PSMC5: variants seen among roughly 807,000 people sequenced by gnomAD.
The protein encoded by PSMC5 is 26S proteasome regulatory subunit 8.
PSMC5 carries 11 observed loss-of-function variants against 49.1 expected under a neutral mutation model. That is an observed-to-expected ratio of 0.22 (90% CI 0.14 to 0.37). PSMC5 has a LOEUF of 0.37. Among genes scored for constraint, PSMC5 ranks in the 10% least tolerant of loss-of-function variants. The probability of loss-of-function intolerance (pLI) is 1.00; values close to 1 mark genes in which losing one functional copy is unlikely to be tolerated. For missense variants in PSMC5, 229 were observed against 520.9 expected, an observed-to-expected ratio of 0.44 and a Z score of 5.45; for synonymous variants, 206 against 192.2, an observed-to-expected ratio of 1.07 and a Z score of -0.59.
chr17:63,828,069 G>A lies in PSMC5; in HGVS notation c.25-69G>A, dbSNP rs1255059346. The stretch of plus-strand genomic sequence containing the variant: ...TACCTGGTGTCAAGCCTTATTCAAA[G>A]TGCCCTGCAAGTGGCTTTACCCCCT... On this transcript the variant is annotated intron_variant, in intron 1 of 11. Coordinates refer to ENST00000310144, the MANE Select transcript of PSMC5 (RefSeq NM_002805.6). The A allele has an allele frequency of 1.1e-5, 18 of 1,567,286 alleles. No individual in the cohort carries two copies. The Admixed American group carries it at 2.5e-4, about 22-fold the overall frequency.
Position 63,831,660 on chromosome 17 carries a change from C to G in PSMC5, c.1080+44C>G, listed in dbSNP as rs2040189148. ...GAAAACAGGGCAGAGGCAGGAAGCT[C>G]TGGGCTCAAGGGCCACAGATGAGGG... On this transcript the variant is annotated intron_variant, in intron 10 of 11. Transcript: ENST00000310144. The surrounding 1 kb of genome is among the most constrained non-coding windows in gnomAD (Gnocchi z 6.3). 1.2e-6 allele frequency: 2 copies of G among 1,613,420 alleles called. No individual in the cohort carries two copies. The highest frequency in any genetic ancestry group is 4.5e-5 in the East Asian group (2 of 44,868).
chr17:63,828,459 A>G lies in PSMC5; in HGVS notation c.96+250A>G, dbSNP rs191032011. 894 of 371,050 alleles carry G rather than the reference A, an allele frequency of 2.4e-3. 3 individuals are homozygous for G. The highest frequency in any genetic ancestry group is 3.8e-3 in the Non-Finnish European group (770 of 204,564). 23.0% of individuals were successfully genotyped at this position (371,050 alleles called of 1,614,324 possible). On this transcript the variant is annotated intron_variant, in intron 2 of 11. Transcript: ENST00000310144. ...ATCTTCGAGTCAAATCTTAATAGTAAAGGTACCTCTAGCCAAAGGTCAACC... is the reference window on the plus strand; with the variant it reads ...ATCTTCGAGTCAAATCTTAATAGTAGAGGTACCTCTAGCCAAAGGTCAACC...
chr17:63,829,683 T>G lies in PSMC5; in HGVS notation c.166+120T>G, dbSNP rs974578038. The G allele has an allele frequency of 2.5e-6, 3 of 1,218,252 alleles. No individual in the cohort carries two copies. The Admixed American group carries it at 6.2e-5, about 25-fold the overall frequency. 75.5% of individuals were successfully genotyped at this position (1,218,252 alleles called of 1,614,324 possible). A position where few individuals can be genotyped will look rare whatever the true frequency, so the allele number is the denominator to read the frequency against. On this transcript the variant is annotated intron_variant, in intron 3 of 11. Transcript: ENST00000310144. ...TTTCTCCCTGTCATCATCTAGTAGTTTCACATGCATCTCTTTTTCCTGAGC... is the reference window on the plus strand; with the variant it reads ...TTTCTCCCTGTCATCATCTAGTAGTGTCACATGCATCTCTTTTTCCTGAGC...
At chr17:63,829,772 C>T (rs2040159671) in intron 3 of PSMC5, 80 bp from the exon 4 acceptor site, 5 of 1,443,488 alleles carry the variant, frequency 3.5e-6, no homozygotes, top group Non-Finnish European at 4.9e-6. Context: ...AAGAGTGATG[C>T]TTAGCTCATG....
chr17:63,829,972 G>T, intron 4 of PSMC5, 23 bp downstream of exon 4: 2 of 1,594,388 alleles, frequency 1.3e-6, no homozygotes, highest in South Asian at 2.3e-5. Flanking sequence ...TGACCCCAGG[G>T]ACCAGCTCGG....
At position 63,830,624 on chromosome 17, in the gene PSMC5, C is replaced by T. The variant is rs1246973750; in HGVS notation, c.552+123C>T. 3 of 1,492,622 alleles carry T rather than the reference C, an allele frequency of 2.0e-6. No individual in the cohort carries two copies. Among genetic ancestry groups the T allele is most frequent in the Non-Finnish European group, 2.7e-6 (3 of 1,119,618 alleles). The allele number at this position is 1,492,622 out of a possible 1,614,324, so 92.5% of individuals were successfully genotyped here. ...GCATCTTGCTTGGGCTGGCCCTCCC[C>T]CTGAAAAGAGTGGCTGGGGAAGTGT... On this transcript the variant is annotated intron_variant, in intron 6 of 11. Transcript: ENST00000310144. This position sits in a 1 kb window ranked among gnomAD's most constrained non-coding sequence, Gnocchi z 4.0.
chr17:63,829,379 C>A, intron 2 of PSMC5, 115 bp from the exon 3 acceptor site: 1 of 861,046 alleles, frequency 1.2e-6, no homozygotes, highest in Non-Finnish European at 1.9e-6. Flanking sequence ...AAACAACATG[C>A]AGGTGCCCTG....
chr17:63,827,548 C>G (rs1380035439), intron 1 of PSMC5, 34 bp downstream of exon 1: 1 of 1,551,270 alleles, frequency 6.4e-7, no homozygotes, highest in Admixed American at 2.0e-5. Flanking sequence ...CGGCAGGTTA[C>G]GGGGCTGGGT....
Position 63,831,924 on chromosome 17 carries a change from G to A in PSMC5, c.1176G>A (p.Gln392=), listed in dbSNP as rs770123694. 2.5e-6 allele frequency: 4 copies of A among 1,614,068 alleles called. 1 individual carries two copies. In the South Asian group the frequency reaches 3.3e-5, roughly 13 times the overall value. ...CTCTCTCCCACCCCTAGGTCATGCAGAAGGACAGTGAGAAAAACATGTCCA... is the reference window on the plus strand; with the variant it reads ...CTCTCTCCCACCCCTAGGTCATGCAAAAGGACAGTGAGAAAAACATGTCCA... The part of the protein sequence containing the change: ...DFEMAVAKVM[Q]KDSEKNMSIK... The change falls in exon 12 of 12, where the codon CAG becomes CAA. Residue 392 remains glutamine (Q), a synonymous_variant. Transcript: ENST00000310144. This position sits in a 1 kb window ranked among gnomAD's most constrained non-coding sequence, Gnocchi z 6.3.
At chr17:63,829,232 G>A (rs1453867875) in intron 2 of PSMC5, 1 of 387,212 alleles carries the variant, frequency 2.6e-6, no homozygotes, top group Non-Finnish European at 4.7e-6. Flanking sequence ...ACATGAGCCA[G>A]CTGTAACTTT....
chr17:63,831,632 A>G lies in PSMC5; in HGVS notation c.1080+16A>G, dbSNP rs760739498. On this transcript the variant is annotated intron_variant, in intron 10 of 11. Coordinates refer to ENST00000310144, the MANE Select transcript of PSMC5 (RefSeq NM_002805.6). This position sits in a 1 kb window ranked among gnomAD's most constrained non-coding sequence, Gnocchi z 6.3. ...TGAAGTGAAGGTAATTGGAGTACCC[A>G]CTGAAAACAGGGCAGAGGCAGGAAG... 1.7e-5 allele frequency: 28 copies of G among 1,613,718 alleles called. 1 individual carries two copies. In the South Asian group the frequency reaches 3.0e-4, roughly 17 times the overall value.
chr17:63,828,100 G>A, intron 1 of PSMC5, 38 bp from the exon 2 acceptor site: 4 of 1,612,722 alleles, frequency 2.5e-6, no homozygotes, highest in Non-Finnish European at 3.4e-6. Flanking sequence ...CCCCTCGGAT[G>A]TTTAACCTGT....
intron 1 of PSMC5, 69 bp downstream of exon 1, chr17:63,827,583 AGAGCGGGCCGGGGCAG>A (rs1218975393): frequency 6.5e-7 from 1 of 1,550,326 alleles, no homozygotes; most frequent in African/African-American, 1.4e-5. Context: ...ATCTGAGTGG[AGAGCGGGCCGGGGCAG>A]GAGCGTCGGG....
intron 3 of PSMC5, 128 bp downstream of exon 3, chr17:63,829,691 C>A: frequency 8.2e-7 from 1 of 1,212,806 alleles, no homozygotes; most frequent in Non-Finnish European, 1.2e-6. Flanking sequence ...GTTTCACATG[C>A]ATCTCTTTTT....
At chr17:63,827,848 T>A in intron 1 of PSMC5, 1 of 1,430,940 alleles carries the variant, frequency 7.0e-7, no homozygotes, top group Non-Finnish European at 9.1e-7. Flanking sequence ...CTCGGGCTTG[T>A]AGAGCACTTC....
chr17:63,829,192 T>A, intron 2 of PSMC5: 1 of 327,528 alleles, frequency 3.1e-6, no homozygotes, highest in South Asian at 6.0e-5. Flanking sequence ...CCACCAGGTG[T>A]TGTTGCCTTC....
At chr17:63,829,651 T>C in intron 3 of PSMC5, 88 bp downstream of exon 3, 1 of 1,366,470 alleles carries the variant, frequency 7.3e-7, no homozygotes, top group Non-Finnish European at 1.0e-6. Flanking sequence ...ACAGCAGTGC[T>C]TACTGTTTTC....
At position 63,830,446 on chromosome 17, in the gene PSMC5, A is replaced by G; in HGVS notation, c.497A>G (p.Glu166Gly). ...KQIKEIKEVI[E>G]LPVKHPELFE... Reference sequence around the variant, plus strand: ...ATCAAGGAGATCAAAGAAGTGATCGAGCTGCCTGTTAAGCATCCTGAGCTC... The same window carrying G: ...ATCAAGGAGATCAAAGAAGTGATCGGGCTGCCTGTTAAGCATCCTGAGCTC... Residue 166 changes from glutamate (E) to glycine (G), a missense_variant, in exon 6 of 12, where the codon GAG becomes GGG. Glu to Gly is a moderately conservative substitution (Grantham distance 98, BLOSUM62 -2). Transcript: ENST00000310144. This position sits in a 1 kb window ranked among gnomAD's most constrained non-coding sequence, Gnocchi z 4.0. The G allele has an allele frequency of 6.2e-7, 1 of 1,614,202 alleles. No individual in the cohort carries two copies. Among genetic ancestry groups the G allele is most frequent in the Non-Finnish European group, 8.5e-7 (1 of 1,180,040 alleles).
Position 63,830,201 on chromosome 17 carries a change from A to G in PSMC5, c.321+12A>G. 6.2e-7 allele frequency: 1 copy of G among 1,614,124 alleles called. No individual in the cohort carries two copies. The highest frequency in any genetic ancestry group is 2.2e-5 in the East Asian group (1 of 44,890). ...TTGACATCAATGATGTGAGTGTAGCAGGTGAGGTGGTGGTGGTGGTGGGGT... is the reference window on the plus strand; with the variant it reads ...TTGACATCAATGATGTGAGTGTAGCGGGTGAGGTGGTGGTGGTGGTGGGGT... On this transcript the variant is annotated intron_variant, in intron 5 of 11. Coordinates refer to ENST00000310144, the MANE Select transcript of PSMC5 (RefSeq NM_002805.6). This position sits in a 1 kb window ranked among gnomAD's most constrained non-coding sequence, Gnocchi z 4.0.
Sources: gnomAD v4.1 joint callset for allele counts on GRCh38, gnomAD v4.1.1 for gene constraint, Gnocchi (gnomAD v3.1) non-coding constraint, MANE v1.5 for transcripts, NCBI Gene and HGNC (gene_info 2026-07-23, HGNC 2026-07-21) for gene names.